The following MBNL2 variants were observed in gnomAD, a reference collection of about 807,000 sequenced individuals.
MBNL2 encodes the protein muscleblind-like protein 2.
MBNL2 carries 17 observed loss-of-function variants against 41.9 expected under a neutral mutation model. That is an observed-to-expected ratio of 0.41 (90% CI 0.28 to 0.61). The LOEUF is 0.61. Ranked by LOEUF, MBNL2 falls within the 20% of genes least tolerant of loss-of-function variation. The probability of loss-of-function intolerance (pLI) is 0.35; values close to 1 mark genes in which losing one functional copy is unlikely to be tolerated. For missense variants in MBNL2, 336 were observed against 505.6 expected (o/e 0.66, Z 3.22); for synonymous variants, 195 against 182.9 (o/e 1.07, Z -0.53).
chr13:97,233,126 CATATATATATATATATATATATAT>C (rs376967986), intron 1 of MBNL2, among the ~76,000 whole-genome samples: 4,333 of 39,832 alleles, frequency 0.11, 382 homozygotes, highest in East Asian at 0.32. Flanking sequence ...GGCTCTTTTT[CATATATATATATATATATATATAT>C]ATATATATAT....
chr13:97,300,176 C>T, intron 2 of MBNL2, among the ~76,000 whole-genome samples: 1 of 152,204 alleles, frequency 6.6e-6, no homozygotes. Context: ...CACTTCCACT[C>T]ACAACCTACT....
At chr13:97,327,882 A>G (rs2060038629) in intron 2 of MBNL2, among the ~76,000 whole-genome samples, 1 of 152,188 alleles carries the variant, frequency 6.6e-6, no homozygotes, top group Non-Finnish European at 1.5e-5. Flanking sequence ...AATACCATAT[A>G]TTTTTACCTA....
At chr13:97,277,540 A>G (rs930615140) in intron 2 of MBNL2, among the ~76,000 whole-genome samples, 3 of 152,164 alleles carry the variant, frequency 2.0e-5, no homozygotes, top group Non-Finnish European at 4.4e-5. Context: ...TGTCTTAAGT[A>G]AAAAATTATG....
chr13:97,296,322 TATTA>T (rs2057003886), intron 2 of MBNL2, among the ~76,000 whole-genome samples: 2 of 152,364 alleles, frequency 1.3e-5, no homozygotes, highest in East Asian at 1.9e-4. Context: ...AATGATGGCA[TATTA>T]ATTGGTAATT....
intron 2 of MBNL2, among the ~76,000 whole-genome samples, chr13:97,308,933 G>A (rs767984029): frequency 3.3e-5 from 5 of 152,160 alleles, no homozygotes; most frequent in South Asian, 4.1e-4. Context: ...AGGAGGAGAC[G>A]TTTCTGAGCG....
At chr13:97,371,656 G>A (rs1000782877) in intron 8 of MBNL2, among the ~76,000 whole-genome samples, 2 of 152,092 alleles carry the variant, frequency 1.3e-5, no homozygotes, top group African/African-American at 4.8e-5. Context: ...AGATGGATTC[G>A]AGGCGGGAGA....
rs759061900 is a variant in MBNL2, at chr13:97,357,617, G to A, written c.994G>A (p.Ala332Thr). The A allele has an allele frequency of 5.6e-6, 9 of 1,613,898 alleles. No individual in the cohort carries two copies. The South Asian group carries it at 8.8e-5, about 16-fold the overall frequency. Residue 332 changes from alanine to threonine, a missense_variant, in exon 7 of 9, where the codon GCC (alanine) becomes ACC (threonine). By Grantham distance (58) the Ala-to-Thr change is moderately conservative. Transcript: ENST00000679496. ...CACCAGCGCACAGTTGCAGCAACAC[G>A]CCGCGTTCATTCCAACAGGTATGTG... The part of the protein sequence containing the change: ...ALTSAQLQQH[A>T]AFIPTGSVLC...
intron 1 of MBNL2, among the ~76,000 whole-genome samples, chr13:97,246,407 A>T (rs2045486343): frequency 6.6e-6 from 1 of 152,140 alleles, no homozygotes; most frequent in Non-Finnish European, 1.5e-5. Context: ...ACTACTCCTT[A>T]TGTTAGAAAA....
intron 1 of MBNL2, among the ~76,000 whole-genome samples, chr13:97,250,271 G>T (rs1426246117): frequency 1.3e-5 from 2 of 152,090 alleles, no homozygotes; most frequent in African/African-American, 2.4e-5. Flanking sequence ...CAGCTCATTG[G>T]TTCTATTTTA....
At chr13:97,356,509 A>G (rs927853634) in intron 5 of MBNL2, among the ~76,000 whole-genome samples, 1 of 152,128 alleles carries the variant, frequency 6.6e-6, no homozygotes, top group East Asian at 1.9e-4. Context: ...TCAAACATCT[A>G]TATTTTACTC....
the MBNL2 span, among the ~76,000 whole-genome samples, chr13:97,212,161 G>C: frequency 6.6e-6 from 1 of 152,142 alleles, no homozygotes; most frequent in African/African-American, 2.4e-5. Flanking sequence ...GAAACAAGGG[G>C]TGGGACTCAG....
the MBNL2 span, among the ~76,000 whole-genome samples, chr13:97,173,994 C>T: frequency 2.6e-5 from 4 of 152,180 alleles, no homozygotes; most frequent in African/African-American, 7.2e-5. Context: ...TCATCTGTCT[C>T]ACTAGTTTAT....
chr13:97,301,686 G>A (rs2057637645), intron 2 of MBNL2, among the ~76,000 whole-genome samples: 1 of 152,186 alleles, frequency 6.6e-6, no homozygotes, highest in African/African-American at 2.4e-5. Flanking sequence ...GCCAGCCCCG[G>A]GGGAAAGAAA....
chr13:97,259,443 C>T (rs1191172807), intron 1 of MBNL2, among the ~76,000 whole-genome samples: 3 of 152,208 alleles, frequency 2.0e-5, no homozygotes, highest in Non-Finnish European at 2.9e-5. Context: ...CAGGCAGAAC[C>T]TGCCACCTTT....
the MBNL2 span, among the ~76,000 whole-genome samples, chr13:97,186,845 AAAAG>A: frequency 6.6e-6 from 1 of 152,212 alleles, no homozygotes; most frequent in East Asian, 1.9e-4. Flanking sequence ...TACACCAAAA[AAAAG>A]GGGGTGGAAA....
intron 1 of MBNL2, among the ~76,000 whole-genome samples, chr13:97,241,630 CATG>C (rs2044299167): frequency 6.6e-6 from 1 of 152,178 alleles, no homozygotes; most frequent in Admixed American, 6.5e-5. Context: ...GTGAAACAAT[CATG>C]ATTGGTAGCA....
intron 2 of MBNL2, among the ~76,000 whole-genome samples, chr13:97,317,460 C>G (rs1035461431): frequency 2.0e-5 from 3 of 152,214 alleles, no homozygotes; most frequent in African/African-American, 7.2e-5. Flanking sequence ...CCTACTGTTC[C>G]TAGGGAAAAT....
intron 5 of MBNL2, among the ~76,000 whole-genome samples, chr13:97,348,712 A>G (rs2062133505): frequency 6.6e-6 from 1 of 152,182 alleles, no homozygotes; most frequent in South Asian, 2.1e-4. Flanking sequence ...TCCTCCCTCA[A>G]GAAGGAGAGC....
At chr13:97,325,841 T>A (rs947737211) in intron 2 of MBNL2, among the ~76,000 whole-genome samples, 1 of 152,250 alleles carries the variant, frequency 6.6e-6, no homozygotes, top group African/African-American at 2.4e-5. Context: ...TTATGCTTTG[T>A]TTATTTAAAA....
Sources: gnomAD v4.1 joint callset for allele counts (sites outside exome capture counted in the v4.1 genomes callset) on GRCh38, gnomAD v4.1.1 for gene constraint, MANE v1.5 for transcripts, NCBI Gene and HGNC (gene_info 2026-07-23, HGNC 2026-07-21) for gene names.